GRM1: variants seen among roughly 807,000 people sequenced by gnomAD.
The protein encoded by GRM1 is glutamate metabotropic receptor 1.
A neutral mutation model predicts 90.9 loss-of-function variants in GRM1; 33 were observed. The ratio of observed to expected loss-of-function variants is 0.36; its 90% confidence interval spans 0.28 to 0.49. GRM1 has a LOEUF of 0.49. Ranked by LOEUF, GRM1 falls within the 20% of genes least tolerant of loss-of-function variation. The pLI, the probability that GRM1 is intolerant of heterozygous loss-of-function variation, is 0.99. For missense variants in GRM1, 1,190 were observed against 1,534.3 expected (o/e 0.78, Z 3.75); for synonymous variants, 700 against 613.2 (o/e 1.14, Z -2.09).
intron 5 of GRM1, among the ~76,000 whole-genome samples, chr6:146,382,396 A>G (rs943013494): frequency 6.6e-6 from 1 of 151,978 alleles, no homozygotes; most frequent in Non-Finnish European, 1.5e-5. Flanking sequence ...AGAGGACAAA[A>G]GCTAACCTGT....
intron 2 of GRM1, among the ~76,000 whole-genome samples, chr6:146,298,243 A>G (rs916086916): frequency 6.6e-6 from 1 of 152,156 alleles, no homozygotes; most frequent in Non-Finnish European, 1.5e-5. Flanking sequence ...GGGTCAGACT[A>G]TCTATGGTCC....
At chr6:146,042,089 A>AT (rs957050285) in intron 1 of GRM1, among the ~76,000 whole-genome samples, 5 of 152,046 alleles carry the variant, frequency 3.3e-5, no homozygotes, top group African/African-American at 9.7e-5. Context: ...GCACTAATCC[A>AT]TTTTTGAGTG....
intron 1 of GRM1, among the ~76,000 whole-genome samples, chr6:146,146,705 G>A (rs1777121950): frequency 6.6e-6 from 1 of 152,128 alleles, no homozygotes; most frequent in Admixed American, 6.5e-5. Flanking sequence ...TAGCACATGA[G>A]CACACACAAA....
intron 3 of GRM1, among the ~76,000 whole-genome samples, chr6:146,310,659 C>G (rs1015105114): frequency 1.3e-5 from 2 of 152,150 alleles, no homozygotes; most frequent in African/African-American, 4.8e-5. Flanking sequence ...TAAGTTTAGG[C>G]CTTAAGAGAC....
intron 3 of GRM1, among the ~76,000 whole-genome samples, chr6:146,334,742 C>G (rs1409186718): frequency 6.6e-6 from 1 of 152,120 alleles, no homozygotes; most frequent in Non-Finnish European, 1.5e-5. Flanking sequence ...AACAGAGTGG[C>G]TAGGTGGGGA....
chr6:146,083,690 G>T (rs1280702206), intron 1 of GRM1, among the ~76,000 whole-genome samples: 11 of 152,126 alleles, frequency 7.2e-5, no homozygotes, highest in Admixed American at 3.3e-4. Flanking sequence ...TAGTCTGAAG[G>T]TTTCCTTTTT....
At chr6:146,111,428 T>G (rs758011965) in intron 1 of GRM1, among the ~76,000 whole-genome samples, 2 of 152,174 alleles carry the variant, frequency 1.3e-5, no homozygotes, top group African/African-American at 4.8e-5. Context: ...GTGAGAGAGA[T>G]AGGCAAGTAA....
chr6:146,316,288 C>T lies in GRM1; in HGVS notation c.1186+11442C>T, dbSNP rs559283011. On this transcript the variant is annotated intron_variant, in intron 3 of 7. Transcript: ENST00000282753. ...TTCCTCAACCACACCTCTCTCTGGACGTGACCAGGGAAATTTCTCCACTGT... is the reference window on the plus strand; with the variant it reads ...TTCCTCAACCACACCTCTCTCTGGATGTGACCAGGGAAATTTCTCCACTGT... Among the ~76,000 whole-genome samples, 14 of 152,298 alleles carry T rather than the reference C, an allele frequency of 9.2e-5. No individual in the cohort carries two copies. In the East Asian group the frequency reaches 1.4e-3, roughly 15 times the overall value.
intron 2 of GRM1, among the ~76,000 whole-genome samples, chr6:146,198,888 A>T (rs555437667): frequency 3.3e-5 from 5 of 152,304 alleles, no homozygotes; most frequent in African/African-American, 7.2e-5. Flanking sequence ...CTGTGAACTG[A>T]GCAAAGGATA....
chr6:146,374,896 C>T (rs751047487), intron 5 of GRM1, among the ~76,000 whole-genome samples: 17 of 151,564 alleles, frequency 1.1e-4, no homozygotes, highest in Non-Finnish European at 2.1e-4. Flanking sequence ...TTATGTTTTT[C>T]TTCTACTAAT....
At chr6:146,105,062 CT>C (rs1386176876) in intron 1 of GRM1, among the ~76,000 whole-genome samples, 1 of 152,088 alleles carries the variant, frequency 6.6e-6, no homozygotes, top group Non-Finnish European at 1.5e-5. Context: ...AACCTTTGGG[CT>C]GTATGTTTCT....
intron 2 of GRM1, among the ~76,000 whole-genome samples, chr6:146,282,607 T>G (rs909221790): frequency 4.6e-5 from 7 of 152,268 alleles, no homozygotes; most frequent in Non-Finnish European, 7.4e-5. Flanking sequence ...TCTCAATTAT[T>G]AATTCAGAAA....
intron 7 of GRM1, among the ~76,000 whole-genome samples, chr6:146,409,528 A>T (rs990605388): frequency 1.3e-5 from 2 of 152,166 alleles, no homozygotes; most frequent in Non-Finnish European, 2.9e-5. Context: ...GATGAAGACT[A>T]AGAAAAGACG....
intron 2 of GRM1, among the ~76,000 whole-genome samples, chr6:146,172,183 C>T (rs553985139): frequency 5.3e-5 from 8 of 152,240 alleles, no homozygotes; most frequent in East Asian, 1.9e-4. Flanking sequence ...GCCTTTTCTA[C>T]GTTCCTTGGA....
At chr6:146,289,138 C>A (rs963636628) in intron 2 of GRM1, among the ~76,000 whole-genome samples, 1 of 151,992 alleles carries the variant, frequency 6.6e-6, no homozygotes, top group Admixed American at 6.5e-5. Flanking sequence ...AGTGTAAAAT[C>A]GCCTCAGGCA....
chr6:146,425,553 A>C (rs937114834), intron 7 of GRM1, among the ~76,000 whole-genome samples: 6 of 152,208 alleles, frequency 3.9e-5, no homozygotes, highest in African/African-American at 1.4e-4. Flanking sequence ...TTCTGGGTAG[A>C]GGGTCAGATG....
chr6:146,429,858 T>A (rs1009278996), intron 7 of GRM1, among the ~76,000 whole-genome samples: 1 of 152,156 alleles, frequency 6.6e-6, no homozygotes, highest in Admixed American at 6.5e-5. Flanking sequence ...TACGCGAAGG[T>A]CTTGCATTAT....
intron 1 of GRM1, among the ~76,000 whole-genome samples, chr6:146,050,462 C>T (rs1791485345): frequency 6.6e-6 from 1 of 152,004 alleles, no homozygotes; most frequent in African/African-American, 2.4e-5. Context: ...AACACAGTAA[C>T]TCCTGGAAAT....
intron 2 of GRM1, among the ~76,000 whole-genome samples, chr6:146,204,897 A>C (rs1032705636): frequency 6.6e-6 from 1 of 152,108 alleles, no homozygotes; most frequent in Non-Finnish European, 1.5e-5. Flanking sequence ...CTTGAAATTC[A>C]TGTAATGCTT....
Sources: gnomAD v4.1 joint callset for allele counts (sites outside exome capture counted in the v4.1 genomes callset) on GRCh38, gnomAD v4.1.1 for gene constraint, MANE v1.5 for transcripts, NCBI Gene and HGNC (gene_info 2026-07-23, HGNC 2026-07-21) for gene names.